ZSCAN5A: variants seen among roughly 807,000 people sequenced by gnomAD.
ZSCAN5A encodes the protein zinc finger and SCAN domain-containing protein 5A.
In ZSCAN5A, 12 loss-of-function variants were observed where a neutral mutation model predicts 23.7. The observed-to-expected ratio is 0.51, with a 90% confidence interval of 0.32 to 0.82. The LOEUF is 0.82. Among genes scored for constraint, ZSCAN5A ranks in the 40% least tolerant of loss-of-function variants. ZSCAN5A has a pLI of 0.03. For missense variants in ZSCAN5A, 597 were observed against 617.9 expected (o/e 0.97, Z 0.36); for synonymous variants, 257 against 239.9 (o/e 1.07, Z -0.66).
chr19:56,276,435 G>T (rs1019882248), intron 2 of ZSCAN5A, among the ~76,000 whole-genome samples: 6 of 151,338 alleles, frequency 4.0e-5, no homozygotes, highest in Admixed American at 2.0e-4. Flanking sequence ...AACACCAGCT[G>T]GTGGTTTGCA....
rs777158698 is a variant in ZSCAN5A at position 56,222,701 on chromosome 19, C to T, written c.629G>A (p.Gly210Asp). 2.5e-6 allele frequency: 4 copies of T among 1,614,130 alleles called. No individual in the cohort carries two copies. The South Asian group carries it at 3.3e-5, about 13-fold the overall frequency. The change falls in exon 5 of 6, where the codon GGT becomes GAT. Residue 210 changes from glycine (G) to aspartate (D), a missense_variant. Physicochemically the swap from Gly to Asp is moderately conservative, Grantham distance 94. Transcript: ENST00000683990. ...FLLHKSIDVT[G>D]DPKSLRPKQT... ...CTTGGGTCTCAGAGACTTTGGGTCA[C>T]CTGTTACGTCAATACTCTTGTGTAG...
intron 2 of ZSCAN5A, among the ~76,000 whole-genome samples, chr19:56,255,172 C>T (rs138685392): frequency 1.3e-5 from 2 of 152,226 alleles, no homozygotes; most frequent in East Asian, 3.9e-4. Context: ...ATTTTTAAAG[C>T]TGCTCCCATT....
At chr19:56,284,092 G>A (rs1399159167) in intron 2 of ZSCAN5A, 2 of 914,680 alleles carry the variant, frequency 2.2e-6, no homozygotes, top group African/African-American at 3.6e-5. Context: ...CTCGTTTTTG[G>A]TTTTCTAATT....
intron 2 of ZSCAN5A, among the ~76,000 whole-genome samples, chr19:56,256,627 G>A (rs1376293326): frequency 1.3e-5 from 2 of 152,240 alleles, no homozygotes; most frequent in East Asian, 1.9e-4. Flanking sequence ...GCAGAAAAAC[G>A]GGGGAGACAC....
chr19:56,297,300 T>G (rs997037027), intron 2 of ZSCAN5A, among the ~76,000 whole-genome samples: 21 of 152,120 alleles, frequency 1.4e-4, no homozygotes, highest in African/African-American at 4.8e-4. Flanking sequence ...ATTTAGAGTT[T>G]GGTCTCCACC....
chr19:56,271,890 G>T (rs1028087338), intron 2 of ZSCAN5A, among the ~76,000 whole-genome samples: 2 of 152,168 alleles, frequency 1.3e-5, no homozygotes, highest in Non-Finnish European at 2.9e-5. Context: ...GACAGCTAAA[G>T]TTCTTGACTG....
rs146615917 is a variant in ZSCAN5A, at chr19:56,292,753, A to C, written c.-128+20530T>G. On this transcript the variant is annotated intron_variant, in intron 2 of 5. Transcript: ENST00000683990. Reference sequence around the variant, plus strand: ...TCTGACCTCAGCCCCGGCAACCACCATTTCACTTTCTGTCTCTGCAAGTTT... The same window carrying C: ...TCTGACCTCAGCCCCGGCAACCACCCTTTCACTTTCTGTCTCTGCAAGTTT... 1.8e-3 allele frequency among the ~76,000 whole-genome samples: 281 copies of C among 151,988 alleles called. 1 individual carries two copies. Among genetic ancestry groups the C allele is most frequent in the Non-Finnish European group, 2.7e-3 (185 of 67,970 alleles).
At position 56,222,315 on chromosome 19, in the gene ZSCAN5A, T is replaced by C. The variant is rs761049322; in HGVS notation, c.751A>G (p.Arg251Gly). 11 of 1,611,130 alleles carry C rather than the reference T, an allele frequency of 6.8e-6. 1 individual carries two copies. The highest frequency in any genetic ancestry group is 3.3e-4 in the Middle Eastern group (2 of 6,056). The change falls in exon 6 of 6, where the codon AGA becomes GGA. Residue 251 changes from arginine to glycine, a missense_variant. Arg to Gly is a moderately radical substitution (Grantham distance 125). Coordinates refer to ENST00000683990, the MANE Select transcript of ZSCAN5A (RefSeq NM_001322064.3). ...QLPKSPTDLV[R>G]AKEGKDPPKI... ...GGGGGGTCCTTCCCCTCCTTTGCTC[T>C]CACCAGATCTGCTGGAAGAAGGGAT...
In ZSCAN5A at chr19:56,227,890, CA is replaced by C. The variant is rs112049651; in HGVS notation, c.-127-2718del. On this transcript the variant is annotated intron_variant, in intron 2 of 5. Coordinates refer to ENST00000683990, the MANE Select transcript of ZSCAN5A (RefSeq NM_001322064.3). ...GCAATATACCGAGACCCCATCTCTGCAAAAAAAAAATTAAAAATTTATCCAG... is the reference window on the plus strand; with the variant it reads ...GCAATATACCGAGACCCCATCTCTGCAAAAAAAAATTAAAAATTTATCCAG... Among the ~76,000 whole-genome samples the C allele has an allele frequency of 3.4e-4, 50 of 147,678 alleles. 1 individual carries two copies. In the South Asian group the frequency reaches 9.7e-3, roughly 29 times the overall value.
chr19:56,247,119 A>T (rs753049222), intron 2 of ZSCAN5A: 2 of 689,626 alleles, frequency 2.9e-6, no homozygotes, highest in Admixed American at 4.6e-5. Context: ...TCCACATGAG[A>T]TCACACACAG....
At chr19:56,298,067 C>CAAAAAAAAAAA (rs58825017) in intron 2 of ZSCAN5A, 1 of 68,000 alleles carries the variant, frequency 1.5e-5, no homozygotes, top group Non-Finnish European at 3.3e-5. Context: ...GAGCAAGTCT[C>CAAAAAAAAAAA]AAAAAAAAAA....
intron 2 of ZSCAN5A, among the ~76,000 whole-genome samples, chr19:56,272,281 A>C (rs2037905068): frequency 6.6e-6 from 1 of 152,182 alleles, no homozygotes. Context: ...GGGTCCACAA[A>C]CGTTTTCTAT....
chr19:56,303,090 T>C (rs1488586314), intron 2 of ZSCAN5A: 2 of 388,868 alleles, frequency 5.1e-6, no homozygotes, highest in African/African-American at 4.1e-5. Context: ...AAGGACAGAA[T>C]GGAATTAGCC....
intron 2 of ZSCAN5A, among the ~76,000 whole-genome samples, chr19:56,284,513 A>ATT (rs11374260): frequency 0.033 from 3,956 of 118,184 alleles, 159 homozygotes; most frequent in African/African-American, 0.048. Context: ...GCTTGCTGTA[A>ATT]TTTTTTTTTT....
chr19:56,308,617 C>G (rs1406861420), intron 2 of ZSCAN5A, among the ~76,000 whole-genome samples: 1 of 151,238 alleles, frequency 6.6e-6, no homozygotes, highest in Admixed American at 6.6e-5. Flanking sequence ...AGCCACCACG[C>G]CCCCCCATAT....
At chr19:56,311,092 G>A (rs1288570916) in intron 2 of ZSCAN5A, among the ~76,000 whole-genome samples, 1 of 152,022 alleles carries the variant, frequency 6.6e-6, no homozygotes, top group Non-Finnish European at 1.5e-5. Context: ...AGACCAGGGG[G>A]TTTCGTTGTT....
At chr19:56,326,670 C>T (rs966736207) in intron 2 of ZSCAN5A, among the ~76,000 whole-genome samples, 1 of 152,148 alleles carries the variant, frequency 6.6e-6, no homozygotes, top group Non-Finnish European at 1.5e-5. Context: ...ATGACACCCC[C>T]ACCCACACAT....
intron 2 of ZSCAN5A, among the ~76,000 whole-genome samples, chr19:56,306,884 A>C: frequency 1.8e-5 from 1 of 56,746 alleles, no homozygotes; most frequent in Non-Finnish European, 3.4e-5. Context: ...GGCCTCTCCC[A>C]CGTCGCCAGA....
At chr19:56,302,553 C>CTCCT (rs2040361127) in intron 2 of ZSCAN5A, among the ~76,000 whole-genome samples, 3 of 119,738 alleles carry the variant, frequency 2.5e-5, no homozygotes, top group African/African-American at 1.1e-4. Context: ...CCGTTCCTCC[C>CTCCT]TCCCTCCCCC....
Sources: gnomAD v4.1 joint callset for allele counts (sites outside exome capture counted in the v4.1 genomes callset) on GRCh38, gnomAD v4.1.1 for gene constraint, MANE v1.5 for transcripts, NCBI Gene and HGNC (gene_info 2026-07-23, HGNC 2026-07-21) for gene names.